MAN2C1: variants seen among roughly 807,000 people sequenced by gnomAD.
MAN2C1 encodes mannosidase alpha class 2C member 1.
MAN2C1 carries 111 observed loss-of-function variants against 126.9 expected under a neutral mutation model. That is an observed-to-expected ratio of 0.87 (90% CI 0.75 to 1.02). The LOEUF (loss-of-function observed/expected upper bound fraction) is 1.02, where lower values mean the gene tolerates loss of function less well. MAN2C1 is among the 50% of genes least tolerant of loss of function. The pLI, the probability that MAN2C1 is intolerant of heterozygous loss-of-function variation, is 0.00. For synonymous variants in MAN2C1, 567 were observed against 561.5 expected, an observed-to-expected ratio of 1.01 and a Z score of -0.14; for missense variants, 1,363 against 1,364.4, an observed-to-expected ratio of 1.00 and a Z score of 0.02.
In MAN2C1 at chr15:75,359,381, G is replaced by C. The variant is rs143370943; in HGVS notation, c.1993C>G (p.Pro665Ala). The C allele has an allele frequency of 2.1e-4, 344 of 1,608,176 alleles. No individual in the cohort carries two copies. Among genetic ancestry groups the C allele is most frequent in the Non-Finnish European group, 2.8e-4 (329 of 1,177,912 alleles). Reference sequence around the variant, plus strand: ...GGCAGCAGGGGCTGCAGTGAGGTGGGGGGAGGAACAGGAGCATAGCCCATG... The same window carrying C: ...GGCAGCAGGGGCTGCAGTGAGGTGGCGGGAGGAACAGGAGCATAGCCCATG... ...PSMGYAPVPP[P>A]TSLQPLLPQQ... Residue 665 changes from proline to alanine, a missense_variant, in exon 17 of 26, where the codon CCC (proline) becomes GCC (alanine). Around this residue, in one of 3 missense-constraint regions of MAN2C1, gnomAD observed 668 missense variants for 650.1 expected, o/e 1.03. Coordinates refer to ENST00000267978, the MANE Select transcript of MAN2C1 (RefSeq NM_006715.4).
intron 4 of MAN2C1, chr15:75,365,773 C>T (rs575820898): frequency 5.9e-4 from 117 of 198,148 alleles, no homozygotes; most frequent in African/African-American, 2.3e-3. Context: ...AAAACTATGC[C>T]GGAAAGATAC....
At position 75,364,522 on chromosome 15, in the gene MAN2C1, A is replaced by G. The variant is rs1178573495; in HGVS notation, c.566T>C (p.Leu189Pro). Residue 189 changes from leucine (L) to proline (P), a missense_variant, in exon 5 of 26, where the codon CTG (leucine) becomes CCG (proline). Transcript: ENST00000267978. ...GCCCAGCAGCAGCTCCAGATCCACC[A>G]GGAGCATGTGGACATCCCGGTGGAA... is the stretch of plus-strand genomic sequence containing the variant. Reference protein sequence around the residue: ...AVFHRDVHMLLVDLELLLGIA... With the variant: ...AVFHRDVHMLPVDLELLLGIA... 3 of 1,603,694 alleles carry G rather than the reference A, an allele frequency of 1.9e-6. No homozygotes were observed. In the African/African-American group the frequency reaches 4.0e-5, roughly 21 times the overall value.
At chr15:75,359,854 G>A in intron 15 of MAN2C1, 49 bp downstream of exon 15, 1 of 1,611,598 alleles carries the variant, frequency 6.2e-7, no homozygotes, top group Non-Finnish European at 8.5e-7. Context: ...GACACTCTGG[G>A]CTCAGCCCTG....
rs377601252 is a variant in MAN2C1, at chr15:75,356,491, C to T, written c.2738-42G>A. 1 of 1,568,728 alleles carries T rather than the reference C, an allele frequency of 6.4e-7. No homozygotes were observed. Among genetic ancestry groups the T allele is most frequent in the Non-Finnish European group, 8.6e-7 (1 of 1,158,694 alleles). ...AAACAATGCTGGTGGAGAATGGGGG[C>T]TACCCTCCCCTGTCCCTAGAAGGGG... On this transcript the variant is annotated intron_variant, in intron 23 of 25. Transcript: ENST00000267978. This position sits in a 1 kb window ranked among gnomAD's most constrained non-coding sequence, Gnocchi z 5.8.
chr15:75,358,993 G>T (rs2072406531), intron 18 of MAN2C1, 66 bp downstream of exon 18: 1 of 1,596,772 alleles, frequency 6.3e-7, no homozygotes, highest in Admixed American at 1.7e-5. Context: ...TTGTGGCAAG[G>T]GGAGAGAGGA....
chr15:75,359,023 G>T, intron 18 of MAN2C1, 36 bp downstream of exon 18: 2 of 1,610,846 alleles, frequency 1.2e-6, no homozygotes, highest in Non-Finnish European at 1.7e-6. Flanking sequence ...GGGTCTACTT[G>T]CCAGGCACTG....
intron 17 of MAN2C1, 52 bp downstream of exon 17, chr15:75,359,276 G>C (rs2072414962): frequency 6.3e-7 from 1 of 1,580,492 alleles, no homozygotes; most frequent in Admixed American, 1.7e-5. Context: ...ACCCTCAGTT[G>C]TAAGAAAGTA....
At chr15:75,360,741 C>T in intron 12 of MAN2C1, 53 bp from the exon 13 acceptor site, 1 of 1,595,370 alleles carries the variant, frequency 6.3e-7, no homozygotes. Flanking sequence ...CATGGCTCAC[C>T]CTTCTTCCAC....
In MAN2C1 at chr15:75,359,646, G is replaced by C. The variant is rs2072425025; in HGVS notation, c.1922C>G (p.Pro641Arg). ...PWKRIEVMAL[P>R]KPGGAHSLAL... Reference sequence around the variant, plus strand: ...TAGGCTGTGGGCCCCGCCCGGTTTGGGCAGGGCCATCACTTCGATCCGCTT... The same window carrying C: ...TAGGCTGTGGGCCCCGCCCGGTTTGCGCAGGGCCATCACTTCGATCCGCTT... Residue 641 changes from proline to arginine, a missense_variant, in exon 16 of 26, where the codon CCC becomes CGC. Physicochemically the swap from Pro to Arg is moderately radical, Grantham distance 103 (BLOSUM62 -2). Around this residue, in one of 3 missense-constraint regions of MAN2C1, gnomAD observed 668 missense variants for 650.1 expected, o/e 1.03. Coordinates refer to ENST00000267978, the MANE Select transcript of MAN2C1 (RefSeq NM_006715.4). 6.2e-7 allele frequency: 1 copy of C among 1,614,128 alleles called. No homozygotes were observed.
At chr15:75,365,304 T>G (rs2141338925) in intron 4 of MAN2C1, among the ~76,000 whole-genome samples, 1 of 1,206 alleles carries the variant, frequency 8.3e-4, no homozygotes, top group South Asian at 0.12. Flanking sequence ...TGAAAGCATC[T>G]GAAACAGTGT....
chr15:75,357,573 C>T (rs2072357592), intron 21 of MAN2C1, among the ~76,000 whole-genome samples: 1 of 151,072 alleles, frequency 6.6e-6, no homozygotes, highest in South Asian at 2.1e-4. Context: ...TTCCAAAGTG[C>T]TGGGATTATA....
At position 75,361,228 on chromosome 15, in the gene MAN2C1, G is replaced by A. The variant is rs560205585; in HGVS notation, c.1315-37C>T. The A allele has an allele frequency of 2.6e-5, 42 of 1,602,716 alleles. No individual in the cohort carries two copies. The South Asian group carries it at 4.7e-4, about 18-fold the overall frequency. On this transcript the variant is annotated intron_variant, in intron 11 of 25. Transcript: ENST00000267978. This position sits in a 1 kb window ranked among gnomAD's most constrained non-coding sequence, Gnocchi z 5.0. ...AGGGCAGGCCAGCATGGATCAGCCT[G>A]GAACAAGCCAGCCCTCTCCAGCCTG... is the stretch of plus-strand genomic sequence containing the variant.
chr15:75,367,553 A>G lies in MAN2C1; in HGVS notation c.309T>C (p.Ser103=). The G allele has an allele frequency of 6.2e-7, 1 of 1,614,088 alleles. No individual in the cohort carries two copies. The highest frequency in any genetic ancestry group is 8.5e-7 in the Non-Finnish European group (1 of 1,179,996). The part of the protein sequence containing the change: ...VGQEVHLCWE[S]DGEGLVWRDG... ...CACGCCACACCAGACCTTCTCCATC[A>G]CTTTCCCAGCAAAGGTGAACTTCCT... The change falls in exon 3 of 26, where the codon AGT becomes AGC. Residue 103 remains serine, a synonymous_variant. Transcript: ENST00000267978.
intron 13 of MAN2C1, 26 bp from the exon 14 acceptor site, chr15:75,360,237 C>G: frequency 6.2e-7 from 1 of 1,603,062 alleles, no homozygotes. Context: ...GAAGATTAGT[C>G]TGGAGCCTGC....
Position 75,356,299 on chromosome 15 carries a change from G to A in MAN2C1, c.2886+2C>T. ...CCGTCCCCAGCACGTCCCACCCCTT[G>A]CCTGCTTGACGGTCTCCAATACGAC... is the stretch of plus-strand genomic sequence containing the variant. On this transcript the variant is annotated splice_donor_variant, in intron 24 of 25. Coordinates refer to ENST00000267978, the MANE Select transcript of MAN2C1 (RefSeq NM_006715.4). LOFTEE classifies it low-confidence loss of function (GC_TO_GT_DONOR). This position sits in a 1 kb window ranked among gnomAD's most constrained non-coding sequence, Gnocchi z 5.8. 1 of 1,612,270 alleles carries A rather than the reference G, an allele frequency of 6.2e-7. No individual in the cohort carries two copies. The highest frequency in any genetic ancestry group is 8.5e-7 in the Non-Finnish European group (1 of 1,179,328).
intron 20 of MAN2C1, 44 bp from the exon 21 acceptor site, chr15:75,358,388 C>T: frequency 1.9e-6 from 3 of 1,613,672 alleles, no homozygotes; most frequent in South Asian, 1.1e-5. Flanking sequence ...GGAAGAGACA[C>T]ACCAAGGCCT....
chr15:75,359,981 G>C lies in MAN2C1; in HGVS notation c.1714C>G (p.Leu572Val). Residue 572 changes from leucine (L) to valine (V), a missense_variant, in exon 15 of 26, where the codon CTT becomes GTT. Coordinates refer to ENST00000267978, the MANE Select transcript of MAN2C1 (RefSeq NM_006715.4). ...ACCACATCATGGAACTGGTTCAGAA[G>C]AAGGAGCCTGCAGGGGCCAAGGGCA... ...AQLQHLWRLL[L>V]LNQFHDVVTG... 6.2e-7 allele frequency: 1 copy of C among 1,614,064 alleles called. No individual in the cohort carries two copies. The highest frequency in any genetic ancestry group is 8.5e-7 in the Non-Finnish European group (1 of 1,179,962).
At chr15:75,357,166 C>A in intron 21 of MAN2C1, 1 of 437,566 alleles carries the variant, frequency 2.3e-6, no homozygotes, top group South Asian at 2.8e-5. Context: ...TTTTTTCACA[C>A]AGGATCTCAG....
chr15:75,358,215 A>G lies in MAN2C1; in HGVS notation c.2533T>C (p.Trp845Arg), dbSNP rs745717288. ...CCATGTCAGACCTCAAATCGAGCCC[A>G]GTCCCAAGAGGTATTGTAGTGGGTA... is the stretch of plus-strand genomic sequence containing the variant. ...RPTHYNTSWD[W>R]ARFEVWAHRW... The change falls in exon 21 of 26, where the codon TGG becomes CGG. Residue 845 changes from tryptophan to arginine, a missense_variant. Transcript: ENST00000267978. 6.2e-7 allele frequency: 1 copy of G among 1,614,068 alleles called. No individual in the cohort carries two copies. The highest frequency in any genetic ancestry group is 1.3e-5 in the African/African-American group (1 of 74,952).
Sources: allele counts gnomAD v4.1 joint callset (sites outside exome capture counted in the v4.1 genomes callset), GRCh38; gene constraint gnomAD v4.1.1; regional missense constraint gnomAD v4.1.1; non-coding constraint Gnocchi (gnomAD v3.1); transcripts MANE v1.5; gene names NCBI Gene and HGNC (gene_info 2026-07-23, HGNC 2026-07-21).